SAXO1: variants seen among roughly 807,000 people sequenced by gnomAD.
The protein encoded by SAXO1 is stabilizer of axonemal microtubules 1.
In SAXO1, 21 loss-of-function variants were observed where a neutral mutation model predicts 17.5. The observed-to-expected ratio is 1.20, with a 90% CI of 0.85 to 1.72. The LOEUF (loss-of-function observed/expected upper bound fraction) is 1.72, where lower values mean the gene tolerates loss of function less well. Ranked by LOEUF, SAXO1 falls within the 40% of genes most tolerant of loss-of-function variation. SAXO1 has a pLI of 0.00. For missense variants in SAXO1, 843 were observed against 596.0 expected, an observed-to-expected ratio of 1.41 and a Z score of -4.32; for synonymous variants, 274 against 216.5, an observed-to-expected ratio of 1.27 and a Z score of -2.33.
chr9:19,012,590 G>A (rs1056540064), intron 1 of SAXO1, among the ~76,000 whole-genome samples: 5 of 152,232 alleles, frequency 3.3e-5, no homozygotes. Flanking sequence ...GTCTGGATAA[G>A]GAGGCCTGGC....
At chr9:18,956,228 G>A in intron 1 of SAXO1, among the ~76,000 whole-genome samples, 1 of 151,544 alleles carries the variant, frequency 6.6e-6, no homozygotes, top group East Asian at 1.9e-4. Context: ...TGGGATTACA[G>A]GTATAAGCAC....
chr9:18,965,667 T>C (rs990546464), intron 1 of SAXO1, among the ~76,000 whole-genome samples: 5 of 152,174 alleles, frequency 3.3e-5, no homozygotes, highest in African/African-American at 1.2e-4. Context: ...GTCTCCTGAA[T>C]ACAGCACACT....
intron 2 of SAXO1, 58 bp downstream of exon 2, chr9:18,950,700 G>A (rs1298144035): frequency 2.7e-6 from 4 of 1,462,226 alleles, no homozygotes; most frequent in Admixed American, 1.8e-5. Context: ...CATTAGCACT[G>A]CATGTTACTC....
At chr9:19,035,022 G>A (rs545017782), upstream of SAXO1, among the ~76,000 whole-genome samples, 1 of 152,278 alleles carries the variant, frequency 6.6e-6, no homozygotes, top group South Asian at 2.1e-4. Flanking sequence ...GATGAAGATG[G>A]TGTGGACAAA....
chr9:18,928,430 G>T lies in SAXO1; in HGVS notation c.1047C>A (p.Ser349Arg). 2 of 1,609,096 alleles carry T rather than the reference G, an allele frequency of 1.2e-6. No individual in the cohort carries two copies. The highest frequency in any genetic ancestry group is 1.7e-6 in the Non-Finnish European group (2 of 1,177,086). Residue 349 changes from serine to arginine, a missense_variant, in exon 4 of 4, where the codon AGC (serine) becomes AGA (arginine). Physicochemically the swap from Ser to Arg is moderately radical, Grantham distance 110 (BLOSUM62 -1). Transcript: ENST00000380534. ...CGGGCTTGACTGGCTCTGTGCGCAT[G>T]CTGGACCACTGCTTGTAGTCATCCT... ...TTKDDYKQWS[S>R]MRTEPVKPVP...
At chr9:18,939,883 A>G (rs1193676537) in intron 3 of SAXO1, among the ~76,000 whole-genome samples, 4 of 152,252 alleles carry the variant, frequency 2.6e-5, no homozygotes, top group Non-Finnish European at 5.9e-5. Context: ...TGGTCAGATC[A>G]GATTGCCATG....
At chr9:19,021,285 G>C (rs566937812) in intron 1 of SAXO1, among the ~76,000 whole-genome samples, 2 of 152,184 alleles carry the variant, frequency 1.3e-5, no homozygotes, top group Non-Finnish European at 2.9e-5. Flanking sequence ...GACAGCCAAC[G>C]TGCAGAGGAA....
At chr9:19,014,966 GT>G (rs1834909198) in intron 1 of SAXO1, among the ~76,000 whole-genome samples, 1 of 152,110 alleles carries the variant, frequency 6.6e-6, no homozygotes, top group African/African-American at 2.4e-5. Flanking sequence ...ACTTAAGGGG[GT>G]GGAGAGTAAA....
At chr9:18,981,008 A>G (rs1833364945) in intron 1 of SAXO1, among the ~76,000 whole-genome samples, 1 of 152,170 alleles carries the variant, frequency 6.6e-6, no homozygotes, top group Non-Finnish European at 1.5e-5. Flanking sequence ...CGGATTTGTG[A>G]AATTCAAATC....
intron 1 of SAXO1, among the ~76,000 whole-genome samples, chr9:19,024,602 A>G (rs983672873): frequency 7.9e-5 from 12 of 152,070 alleles, no homozygotes; most frequent in African/African-American, 2.9e-4. Context: ...ATAATAATAA[A>G]ATTTAAAAAA....
At chr9:19,041,111 C>T (rs1043030856) in intron 1 of SAXO1, among the ~76,000 whole-genome samples, 58 of 144,124 alleles carry the variant, frequency 4.0e-4, no homozygotes, top group African/African-American at 1.4e-3. Context: ...GGATACAAAA[C>T]CAACATACGA....
chr9:18,995,454 T>C (rs931840750), intron 1 of SAXO1, among the ~76,000 whole-genome samples: 1 of 152,200 alleles, frequency 6.6e-6, no homozygotes, highest in Admixed American at 6.5e-5. Flanking sequence ...GCTTACTGTC[T>C]GAAGTAGAAT....
At chr9:19,040,689 A>G (rs1468735124) in intron 1 of SAXO1, among the ~76,000 whole-genome samples, 1 of 152,156 alleles carries the variant, frequency 6.6e-6, no homozygotes, top group Non-Finnish European at 1.5e-5. Flanking sequence ...GAAAGAGGAC[A>G]TAAAACTATA....
intron 1 of SAXO1, among the ~76,000 whole-genome samples, chr9:19,023,160 C>T (rs1219665874): frequency 1.4e-5 from 2 of 138,130 alleles, no homozygotes; most frequent in African/African-American, 5.2e-5. Context: ...CCCCCCCGCC[C>T]CACCGGAGTT....
At chr9:19,038,368 C>A (rs923924188) in intron 1 of SAXO1, among the ~76,000 whole-genome samples, 1 of 151,906 alleles carries the variant, frequency 6.6e-6, no homozygotes, top group African/African-American at 2.4e-5. Context: ...AAATGTCCAA[C>A]AATGATAGAC....
At chr9:18,955,781 T>C (rs1832233545) in intron 1 of SAXO1, among the ~76,000 whole-genome samples, 1 of 152,044 alleles carries the variant, frequency 6.6e-6, no homozygotes, top group Admixed American at 6.6e-5. Context: ...TCAAGGCCCA[T>C]CTTCAATGCC....
chr9:18,998,199 G>T (rs1295279730), intron 1 of SAXO1, among the ~76,000 whole-genome samples: 1 of 151,928 alleles, frequency 6.6e-6, no homozygotes, highest in Non-Finnish European at 1.5e-5. Flanking sequence ...ACCATCACAA[G>T]GAAGCTAAAA....
chr9:18,986,760 C>A (rs1470901263), intron 1 of SAXO1, among the ~76,000 whole-genome samples: 1 of 152,198 alleles, frequency 6.6e-6, no homozygotes, highest in Non-Finnish European at 1.5e-5. Flanking sequence ...AGGTTGCATA[C>A]TGCACAAGAG....
At chr9:18,963,732 C>T (rs1249200913) in intron 1 of SAXO1, among the ~76,000 whole-genome samples, 3 of 152,154 alleles carry the variant, frequency 2.0e-5, no homozygotes, top group Non-Finnish European at 2.9e-5. Context: ...ATCATGTCAA[C>T]TGCAAACAGA....
Sources: gnomAD v4.1 joint callset for allele counts (sites outside exome capture counted in the v4.1 genomes callset) on GRCh38, gnomAD v4.1.1 for gene constraint, MANE v1.5 for transcripts, NCBI Gene and HGNC (gene_info 2026-07-23, HGNC 2026-07-21) for gene names.